Variants in FHIT observed in about 807,000 individuals in gnomAD.
FHIT encodes fragile histidine triad diadenosine triphosphatase, also known as bis(5'-adenosyl)-triphosphatase.
FHIT carries 19 observed loss-of-function variants against 17.9 expected under a neutral mutation model. The ratio of observed to expected loss-of-function variants is 1.06; its 90% CI spans 0.74 to 1.56. The LOEUF (loss-of-function observed/expected upper bound fraction) is 1.56, where lower values mean the gene tolerates loss of function less well. Ranked by LOEUF, FHIT falls within the 40% of genes most tolerant of loss-of-function variation. The pLI is 0.00. For synonymous variants in FHIT, 81 were observed against 69.7 expected (o/e 1.16, Z -0.81); for missense variants, 248 against 189.2 (o/e 1.31, Z -1.82).
At position 60,859,846 on chromosome 3, in the gene FHIT, C is replaced by A. The variant is rs78561249; in HGVS notation, c.-110-37835G>T. ...ATCACTTGAGGTCAGGAGCTCAAGACCAGCCTGGCCAACATGGTGAAACCC... is the reference window on the plus strand; with the variant it reads ...ATCACTTGAGGTCAGGAGCTCAAGAACAGCCTGGCCAACATGGTGAAACCC... On this transcript the variant is annotated intron_variant, in intron 3 of 9. Transcript: ENST00000492590. Among the ~76,000 whole-genome samples the A allele has an allele frequency of 6.0e-3, 825 of 137,100 alleles. 9 individuals carry two copies. The highest frequency in any genetic ancestry group is 0.026 in the Middle Eastern group (6 of 232). 89.9% of individuals were successfully genotyped at this position (137,100 alleles called of 152,430 possible).
chr3:59,891,823 T>C (rs755458389), intron 8 of FHIT, among the ~76,000 whole-genome samples: 1 of 152,148 alleles, frequency 6.6e-6, no homozygotes, highest in African/African-American at 2.4e-5. Context: ...ATTTAAAGGA[T>C]CCTTGCAGGG....
chr3:59,789,021 C>A (rs999254986), intron 8 of FHIT, among the ~76,000 whole-genome samples: 1 of 152,026 alleles, frequency 6.6e-6, no homozygotes, highest in African/African-American at 2.4e-5. Context: ...ATAGTGATAT[C>A]GCACTGCGTG....
chr3:60,593,665 TCTGA>T (rs1553665208), intron 4 of FHIT, among the ~76,000 whole-genome samples: 4 of 152,256 alleles, frequency 2.6e-5, no homozygotes, highest in East Asian at 1.9e-4. Flanking sequence ...TGACACTATG[TCTGA>T]CTATCTGTTC....
intron 4 of FHIT, among the ~76,000 whole-genome samples, chr3:60,597,057 C>T (rs959637622): frequency 6.6e-6 from 1 of 152,190 alleles, no homozygotes; most frequent in Non-Finnish European, 1.5e-5. Context: ...ATCCCCACCT[C>T]ATTTCCTGTG....
At chr3:60,128,046 G>A (rs1018004830) in intron 5 of FHIT, among the ~76,000 whole-genome samples, 5 of 152,180 alleles carry the variant, frequency 3.3e-5, no homozygotes, top group Admixed American at 6.5e-5. Flanking sequence ...TGGATATGAA[G>A]TATATACAAG....
chr3:60,839,437 A>G (rs1553744502), intron 3 of FHIT, among the ~76,000 whole-genome samples: 1 of 152,216 alleles, frequency 6.6e-6, no homozygotes. Flanking sequence ...CAATGAGATC[A>G]TGGCTAGATG....
At chr3:59,988,879 T>C (rs1226570663) in intron 7 of FHIT, among the ~76,000 whole-genome samples, 1 of 152,084 alleles carries the variant, frequency 6.6e-6, no homozygotes, top group Non-Finnish European at 1.5e-5. Context: ...GCTCTGAAAG[T>C]AAAGGACAGG....
intron 5 of FHIT, among the ~76,000 whole-genome samples, chr3:60,418,373 TGTG>T (rs1702332145): frequency 4.3e-4 from 2 of 4,608 alleles, no homozygotes; most frequent in Non-Finnish European, 3.2e-3. Flanking sequence ...TATCTGAATG[TGTG>T]TATATATATA....
At chr3:60,653,116 A>T (rs1281227943) in intron 4 of FHIT, among the ~76,000 whole-genome samples, 2 of 152,178 alleles carry the variant, frequency 1.3e-5, no homozygotes, top group Non-Finnish European at 2.9e-5. Flanking sequence ...GATCACCAGA[A>T]ATTTAATATG....
At chr3:60,169,751 G>A (rs753582581) in intron 5 of FHIT, among the ~76,000 whole-genome samples, 11 of 152,132 alleles carry the variant, frequency 7.2e-5, no homozygotes, top group South Asian at 2.1e-4. Flanking sequence ...GTGACATTCC[G>A]CAGAAATCTC....
chr3:60,528,074 A>C (rs753670211), intron 5 of FHIT, among the ~76,000 whole-genome samples: 1 of 152,192 alleles, frequency 6.6e-6, no homozygotes, highest in Non-Finnish European at 1.5e-5. Context: ...CCTGGGCTAA[A>C]GCAATCCTCC....
chr3:60,503,290 A>T (rs1576772961), intron 5 of FHIT, among the ~76,000 whole-genome samples: 1 of 152,220 alleles, frequency 6.6e-6, no homozygotes, highest in East Asian at 1.9e-4. Flanking sequence ...CTATTCAATG[A>T]GTAGTAGCAA....
chr3:60,369,349 C>T (rs560651269), intron 5 of FHIT, among the ~76,000 whole-genome samples: 1 of 152,276 alleles, frequency 6.6e-6, no homozygotes, highest in East Asian at 1.9e-4. Flanking sequence ...TGTTCTTGAA[C>T]AGCATCCATG....
At chr3:60,138,511 T>G (rs1316492755) in intron 5 of FHIT, among the ~76,000 whole-genome samples, 1 of 152,156 alleles carries the variant, frequency 6.6e-6, no homozygotes, top group Admixed American at 6.6e-5. Context: ...ATAATAACCT[T>G]TTACCCAAGG....
intron 5 of FHIT, among the ~76,000 whole-genome samples, chr3:60,276,547 C>T (rs115415966): frequency 0.023 from 3,460 of 152,172 alleles, 63 homozygotes; most frequent in Middle Eastern, 0.068. Context: ...GTGTCACGAG[C>T]GAACAAGGTG....
chr3:59,877,861 G>A (rs1263665644), intron 8 of FHIT, among the ~76,000 whole-genome samples: 2 of 152,188 alleles, frequency 1.3e-5, no homozygotes, highest in Non-Finnish European at 2.9e-5. Context: ...TCCCTCAAAT[G>A]AGTTGGATAA....
intron 3 of FHIT, among the ~76,000 whole-genome samples, chr3:60,863,655 T>G (rs897033285): frequency 2.6e-5 from 4 of 152,200 alleles, no homozygotes; most frequent in African/African-American, 9.6e-5. Flanking sequence ...TGCCTCCTCT[T>G]TGATGGTCCC....
intron 5 of FHIT, among the ~76,000 whole-genome samples, chr3:60,072,612 G>T (rs1702826813): frequency 6.6e-6 from 1 of 152,148 alleles, no homozygotes; most frequent in Non-Finnish European, 1.5e-5. Context: ...TTCTATAGAT[G>T]GAGACTGAAA....
intron 5 of FHIT, among the ~76,000 whole-genome samples, chr3:60,422,363 C>G (rs1019782240): frequency 3.3e-5 from 5 of 152,142 alleles, no homozygotes; most frequent in Non-Finnish European, 4.4e-5. Context: ...AATCAAGCAG[C>G]ATGGACACAA....
Sources: allele counts gnomAD v4.1 joint callset (sites outside exome capture counted in the v4.1 genomes callset), GRCh38; gene constraint gnomAD v4.1.1; transcripts MANE v1.5; gene names NCBI Gene and HGNC (gene_info 2026-07-23, HGNC 2026-07-21).